TEAD3: variants seen among roughly 807,000 people sequenced by gnomAD.
TEAD3 encodes the protein transcriptional enhancer factor TEF-5.
A neutral mutation model predicts 55.6 loss-of-function variants in TEAD3; 15 were observed. That is an observed-to-expected ratio of 0.27 (90% CI 0.18 to 0.42). TEAD3 has a LOEUF of 0.42. Ranked by LOEUF, TEAD3 falls within the 10% of genes least tolerant of loss-of-function variation. TEAD3 has a pLI of 1.00. For missense variants in TEAD3, 407 were observed against 576.8 expected (o/e 0.71, Z 3.01); for synonymous variants, 210 against 232.2 (o/e 0.90, Z 0.87).
rs2150914067 is a variant in TEAD3, at chr6:35,484,770, T to G, written c.203-146A>C. 2.7e-6 allele frequency: 2 copies of G among 733,240 alleles called. No individual in the cohort carries two copies. The highest frequency in any genetic ancestry group is 2.3e-6 in the Non-Finnish European group (1 of 431,076). The allele number at this position is 733,240 out of a possible 1,614,324, so 45.4% of individuals were successfully genotyped here. A position where few individuals can be genotyped will look rare whatever the true frequency, so the allele number is the denominator to read the frequency against. Reference sequence around the variant, plus strand: ...CACTCTCTTCACCCCAAGCTGCACATGCAGGGCATGCAAAGGTGGCTGGGG... The same window carrying G: ...CACTCTCTTCACCCCAAGCTGCACAGGCAGGGCATGCAAAGGTGGCTGGGG... On this transcript the variant is annotated intron_variant, in intron 2 of 12. Coordinates refer to ENST00000639578, the Ensembl canonical transcript of TEAD3. This position sits in a 1 kb window ranked among gnomAD's most constrained non-coding sequence, Gnocchi z 5.8.
In TEAD3 at chr6:35,475,160, G is replaced by C. The variant is rs201810762; in HGVS notation, c.1195-3C>G. On this transcript the variant is annotated splice_region_variant and splice_polypyrimidine_tract_variant and intron_variant, in intron 12 of 12. Coordinates refer to ENST00000639578, the Ensembl canonical transcript of TEAD3. The surrounding 1 kb of genome is among the most constrained non-coding windows in gnomAD (Gnocchi z 5.4). ...TGGGAGTCCCGGCTCGTGACCACCT[G>C]GGGGGTGAGCAGGTAAGAGATTCAG... is the stretch of plus-strand genomic sequence containing the variant. 7 of 1,575,252 alleles carry C rather than the reference G, an allele frequency of 4.4e-6. No homozygotes were observed. Among genetic ancestry groups the C allele is most frequent in the South Asian group, 1.2e-5 (1 of 86,492 alleles).
rs1317134231 is a variant in TEAD3, at chr6:35,475,766, C to T, written c.901-60G>A. 33 of 1,526,986 alleles carry T rather than the reference C, an allele frequency of 2.2e-5. No homozygotes were observed. The highest frequency in any genetic ancestry group is 2.7e-5 in the Non-Finnish European group (31 of 1,138,092). 94.6% of individuals were successfully genotyped at this position (1,526,986 alleles called of 1,614,324 possible). A position where few individuals can be genotyped will look rare whatever the true frequency, so the allele number is the denominator to read the frequency against. On this transcript the variant is annotated intron_variant, in intron 10 of 12. Coordinates refer to ENST00000639578, the Ensembl canonical transcript of TEAD3. This position sits in a 1 kb window ranked among gnomAD's most constrained non-coding sequence, Gnocchi z 5.4. ...AGAGACCAGAAGTATTCCCGCCACACCACATCAGAGTCCTGCCCAAGGATC... is the reference window on the plus strand; with the variant it reads ...AGAGACCAGAAGTATTCCCGCCACATCACATCAGAGTCCTGCCCAAGGATC...
rs944440575 is a variant in TEAD3 at position 35,477,249 on chromosome 6, C to A, written c.592+62G>T. The A allele has an allele frequency of 1.7e-5, 26 of 1,573,294 alleles. No homozygotes were observed. In the Admixed American group the frequency reaches 3.2e-4, roughly 19 times the overall value. ...CCCAAAGCAAACACACACAGTTGGA[C>A]CCCAGCTCTCCTGAGTGGAGGTGCA... is the stretch of plus-strand genomic sequence containing the variant. On this transcript the variant is annotated intron_variant, in intron 8 of 12. Coordinates refer to ENST00000639578, the Ensembl canonical transcript of TEAD3.
chr6:35,478,420 TG>T lies in TEAD3; in HGVS notation c.480+13del. Reference sequence around the variant, plus strand: ...CACACCCCCACACCAGCCCACCTCCTGGGACCCATGTACCCGCGAGGAAGTG... The same window carrying T: ...CACACCCCCACACCAGCCCACCTCCTGGACCCATGTACCCGCGAGGAAGTG... On this transcript the variant is annotated intron_variant, in intron 6 of 12. Transcript: ENST00000639578. 6.2e-7 allele frequency: 1 copy of T among 1,613,676 alleles called. No individual in the cohort carries two copies. The highest frequency in any genetic ancestry group is 2.2e-5 in the East Asian group (1 of 44,884).
exon 10 of TEAD3, chr6:35,476,019 T>C (rs1392032719): frequency 6.4e-7 from 1 of 1,562,964 alleles, no homozygotes; most frequent in Non-Finnish European, 8.7e-7. Context: ...CTGGCGCACA[T>C]CTACTGCCTC....
chr6:35,495,249 G>A lies in TEAD3; in HGVS notation c.-50+1649C>T, dbSNP rs1768616234. Among the ~76,000 whole-genome samples, 3 of 152,188 alleles carry A rather than the reference G, an allele frequency of 2.0e-5. No individual in the cohort carries two copies. The South Asian group carries it at 6.2e-4, about 32-fold the overall frequency. ...TCCCGGTTTTAACATTCCTTCAGTT[G>A]GCAGAAAGTGCCAGGGTCTACAAAC... is the stretch of plus-strand genomic sequence containing the variant. On this transcript the variant is annotated intron_variant, in intron 1 of 12. Coordinates refer to ENST00000639578, the Ensembl canonical transcript of TEAD3.
In TEAD3 at chr6:35,486,576, G is replaced by C. The variant is rs1024893411; in HGVS notation, c.87C>G (p.Asn29Lys). 6.2e-7 allele frequency: 1 copy of C among 1,613,456 alleles called. No individual in the cohort carries two copies. The highest frequency in any genetic ancestry group is 1.3e-5 in the African/African-American group (1 of 74,948). ...CCGGGCTCCACACGCCCTCCGCATC[G>C]TTGTCCAGCCCCTTGTCCAGGCCCT... Residue 29 changes from asparagine (N) to lysine (K), a missense_variant, in exon 2 of 13, where the codon AAC becomes AAG. Physicochemically the swap from Asn to Lys is moderately conservative, Grantham distance 94 (BLOSUM62 0). Coordinates refer to ENST00000639578, the Ensembl canonical transcript of TEAD3. This position sits in a 1 kb window ranked among gnomAD's most constrained non-coding sequence, Gnocchi z 7.3.
intron 1 of TEAD3, among the ~76,000 whole-genome samples, chr6:35,493,548 A>C (rs544824808): frequency 3.0e-4 from 45 of 152,260 alleles, no homozygotes; most frequent in African/African-American, 9.1e-4. Context: ...TACCATATTC[A>C]TGCTTGGCAC....
chr6:35,483,313 G>A lies in TEAD3; in HGVS notation c.267+1247C>T, dbSNP rs1417819033. ...CCAGACTTGACATATGCACCATGGG[G>A]ATCTGTGGGTCCAAATCCCACCAGG... On this transcript the variant is annotated intron_variant, in intron 3 of 12. Transcript: ENST00000639578. This position sits in a 1 kb window ranked among gnomAD's most constrained non-coding sequence, Gnocchi z 4.5. Among the ~76,000 whole-genome samples the A allele has an allele frequency of 1.3e-5, 2 of 152,130 alleles. No individual in the cohort carries two copies. Among genetic ancestry groups the A allele is most frequent in the Non-Finnish European group, 2.9e-5 (2 of 67,996 alleles).
intron 1 of TEAD3, among the ~76,000 whole-genome samples, chr6:35,492,345 C>T (rs918718649): frequency 2.6e-5 from 4 of 152,006 alleles, no homozygotes; most frequent in Admixed American, 2.6e-4. Flanking sequence ...CCCTACCCGC[C>T]CCACAGCGGG....
At chr6:35,480,412 T>C (rs760782) in intron 3 of TEAD3, 38 bp from the exon 4 acceptor site, 1,111,412 of 1,609,388 alleles carry the variant, frequency 0.69, 386,433 homozygotes, top group African/African-American at 0.87. Flanking sequence ...GAGGAAAACA[T>C]AGACAGTGAG....
downstream of TEAD3, chr6:35,474,782 G>A (rs41270068): frequency 1.0e-2 from 4,525 of 453,172 alleles, 115 homozygotes; most frequent in South Asian, 0.035. Context: ...ACGCGAGGCT[G>A]GGCAGAGCAG....
chr6:35,496,522 C>A lies in TEAD3; in HGVS notation c.-50+376G>T, dbSNP rs1688185411. On this transcript the variant is annotated intron_variant, in intron 1 of 12. Transcript: ENST00000639578. The surrounding 1 kb of genome is among the most constrained non-coding windows in gnomAD (Gnocchi z 4.8). ...AAGGGCGGCGGGGCCCGGGACTGGG[C>A]GCCCCGGATATGAGCTCCAGGGTGG... Among the ~76,000 whole-genome samples, 1 of 152,010 alleles carries A rather than the reference C, an allele frequency of 6.6e-6. No individual in the cohort carries two copies. The highest frequency in any genetic ancestry group is 2.4e-5 in the African/African-American group (1 of 41,406).
intron 4 of TEAD3, among the ~76,000 whole-genome samples, chr6:35,479,554 G>A (rs185378224): frequency 1.2e-3 from 178 of 152,342 alleles, no homozygotes; most frequent in African/African-American, 4.2e-3. Flanking sequence ...CTGTCCATAT[G>A]TTCTGGAACT....
At chr6:35,489,411 C>T (rs1768455904) in intron 1 of TEAD3, among the ~76,000 whole-genome samples, 1 of 152,176 alleles carries the variant, frequency 6.6e-6, no homozygotes, top group Non-Finnish European at 1.5e-5. Flanking sequence ...TGAGAGACCC[C>T]ACCACCTGAG....
rs1768198051 is a variant in TEAD3 at position 35,478,433 on chromosome 6, C to T, written c.480+1G>A. On this transcript the variant is annotated splice_donor_variant, in intron 6 of 12. Coordinates refer to ENST00000639578, the Ensembl canonical transcript of TEAD3. LOFTEE classifies it high-confidence loss of function. ...CAGCCCACCTCCTGGGACCCATGTA[C>T]CCGCGAGGAAGTGGAGAAGACGGCC... The T allele has an allele frequency of 6.2e-7, 1 of 1,613,552 alleles. No individual in the cohort carries two copies. The highest frequency in any genetic ancestry group is 8.5e-7 in the Non-Finnish European group (1 of 1,179,810).
intron 1 of TEAD3, among the ~76,000 whole-genome samples, chr6:35,492,256 CG>C (rs903934932): frequency 6.6e-6 from 1 of 152,128 alleles, no homozygotes; most frequent in African/African-American, 2.4e-5. Flanking sequence ...GCTGACCAGC[CG>C]GGGGGGTCGA....
rs1445657100 is a variant in TEAD3, at chr6:35,483,356, T to G, written c.267+1204A>C. 6.6e-6 allele frequency among the ~76,000 whole-genome samples: 1 copy of G among 152,128 alleles called. No individual in the cohort carries two copies. The highest frequency in any genetic ancestry group is 1.5e-5 in the Non-Finnish European group (1 of 68,002). ...CCACCAGGACAGGAGGCTGGGAGTG[T>G]GAGGGTAGCACTGGCCTCCATTCCT... On this transcript the variant is annotated intron_variant, in intron 3 of 12. Coordinates refer to ENST00000639578, the Ensembl canonical transcript of TEAD3. This position sits in a 1 kb window ranked among gnomAD's most constrained non-coding sequence, Gnocchi z 4.5.
intron 1 of TEAD3, among the ~76,000 whole-genome samples, chr6:35,494,423 C>G (rs1768596278): frequency 6.6e-6 from 1 of 152,208 alleles, no homozygotes; most frequent in Non-Finnish European, 1.5e-5. Flanking sequence ...GTGGCCCCTT[C>G]TGCAGACAGC....
Sources: gnomAD v4.1 joint callset for allele counts (sites outside exome capture counted in the v4.1 genomes callset) on GRCh38, gnomAD v4.1.1 for gene constraint, Gnocchi (gnomAD v3.1) non-coding constraint, MANE v1.5 for transcripts, NCBI Gene and HGNC (gene_info 2026-07-23, HGNC 2026-07-21) for gene names.